Variants in TYW1 observed in about 807,000 individuals in gnomAD.
The protein encoded by TYW1 is S-adenosyl-L-methionine-dependent tRNA 4-demethylwyosine synthase TYW1.
Under a neutral mutation model 96.2 loss-of-function variants are expected in TYW1, and 46 were observed. The observed-to-expected ratio is 0.48, with a 90% CI of 0.38 to 0.61. The LOEUF is 0.61. TYW1 is among the 20% of genes least tolerant of loss of function. The pLI is 0.00. For synonymous variants in TYW1, 274 were observed against 323.0 expected (o/e 0.85, Z 1.63); for missense variants, 684 against 909.6 (o/e 0.75, Z 3.19).
At chr7:67,013,739 CTTTT>C (rs931500833) in intron 4 of TYW1, among the ~76,000 whole-genome samples, 1 of 97,510 alleles carries the variant, frequency 1.0e-5, no homozygotes, top group Non-Finnish European at 1.9e-5. Flanking sequence ...GCATTTTTTC[CTTTT>C]TTTTTTTTTT....
intron 13 of TYW1, among the ~76,000 whole-genome samples, chr7:67,149,288 A>G (rs1377947176): frequency 6.6e-6 from 1 of 152,250 alleles, no homozygotes; most frequent in African/African-American, 2.4e-5. Context: ...GAAAGAAGGA[A>G]GCACTTTCTC....
intron 12 of TYW1, among the ~76,000 whole-genome samples, chr7:67,110,620 C>G (rs1797374061): frequency 6.6e-6 from 1 of 152,130 alleles, no homozygotes; most frequent in Non-Finnish European, 1.5e-5. Context: ...AAGAAACGAA[C>G]AAAACAATAT....
chr7:67,113,853 G>A (rs962198553), intron 12 of TYW1, among the ~76,000 whole-genome samples: 1 of 152,020 alleles, frequency 6.6e-6, no homozygotes, highest in African/African-American at 2.4e-5. Flanking sequence ...TGGCCAGGCT[G>A]GTCTCAAACT....
intron 7 of TYW1, among the ~76,000 whole-genome samples, chr7:67,026,561 T>C (rs574786696): frequency 6.6e-6 from 1 of 152,262 alleles, no homozygotes; most frequent in African/African-American, 2.4e-5. Flanking sequence ...ATAAAAATTC[T>C]AGTAGGTCCT....
At chr7:67,229,617 T>C (rs560370693) in intron 15 of TYW1, among the ~76,000 whole-genome samples, 1 of 151,582 alleles carries the variant, frequency 6.6e-6, no homozygotes, top group East Asian at 1.9e-4. Flanking sequence ...CTTAGGGATA[T>C]TGCACACAAA....
intron 15 of TYW1, among the ~76,000 whole-genome samples, chr7:67,221,422 T>A (rs1023789086): frequency 6.6e-6 from 1 of 152,210 alleles, no homozygotes; most frequent in African/African-American, 2.4e-5. Context: ...TAGAATGGGA[T>A]CATATCTTTT....
In TYW1 at chr7:67,029,021, C is replaced by T. The variant is rs377212529; in HGVS notation, c.984+3999C>T. On this transcript the variant is annotated intron_variant, in intron 7 of 15. Coordinates refer to ENST00000359626, the MANE Select transcript of TYW1 (RefSeq NM_018264.4). ...TATGGACTTTTTTTTTTTTTTGAGA[C>T]GGAGTCTCGCTCTGTTGCCCAGGCT... Among the ~76,000 whole-genome samples, 47 of 147,868 alleles carry T rather than the reference C, an allele frequency of 3.2e-4. 1 individual carries two copies. The highest frequency in any genetic ancestry group is 9.7e-4 in the African/African-American group (39 of 40,164).
intron 12 of TYW1, among the ~76,000 whole-genome samples, chr7:67,111,252 A>G (rs997088970): frequency 2.6e-5 from 4 of 151,968 alleles, no homozygotes; most frequent in East Asian, 1.9e-4. Flanking sequence ...CACCCAGGCT[A>G]GAGTGCAGTG....
chr7:67,079,163 G>A lies in TYW1; in HGVS notation c.1275-4267G>A, dbSNP rs953696654. ...TTTTGAAATAGTTTGAAAAGTATTCGTGTGAGAGGTGTGTGTGTGTGTGTG... is the reference window on the plus strand; with the variant it reads ...TTTTGAAATAGTTTGAAAAGTATTCATGTGAGAGGTGTGTGTGTGTGTGTG... On this transcript the variant is annotated intron_variant, in intron 10 of 15. Coordinates refer to ENST00000359626, the MANE Select transcript of TYW1 (RefSeq NM_018264.4). Among the ~76,000 whole-genome samples, 22 of 74,158 alleles carry A rather than the reference G, an allele frequency of 3.0e-4. No individual in the cohort carries two copies. In the East Asian group the frequency reaches 6.1e-3, roughly 20 times the overall value. 48.7% of individuals were successfully genotyped at this position (74,158 alleles called of 152,430 possible).
At chr7:67,138,435 G>A (rs1035214212) in intron 13 of TYW1, among the ~76,000 whole-genome samples, 1 of 151,904 alleles carries the variant, frequency 6.6e-6, no homozygotes, top group African/African-American at 2.4e-5. Flanking sequence ...TAGAAAATGT[G>A]GTATCTATCC....
chr7:66,998,310 T>C, intron 2 of TYW1, 115 bp downstream of exon 2: 1 of 1,333,120 alleles, frequency 7.5e-7, no homozygotes, highest in South Asian at 1.6e-5. Flanking sequence ...GACATTTTAA[T>C]GAAATGCCTA....
At chr7:67,193,485 C>T (rs1339258638) in intron 14 of TYW1, among the ~76,000 whole-genome samples, 2 of 152,088 alleles carry the variant, frequency 1.3e-5, no homozygotes, top group African/African-American at 2.4e-5. Flanking sequence ...GTTGGCCAGG[C>T]GTGTTGGCTC....
At chr7:67,141,578 G>T (rs967433309) in intron 13 of TYW1, among the ~76,000 whole-genome samples, 1 of 152,152 alleles carries the variant, frequency 6.6e-6, no homozygotes, top group Non-Finnish European at 1.5e-5. Flanking sequence ...AAGCCCATGG[G>T]GGTCTTTCTA....
At chr7:66,999,039 TC>T in intron 3 of TYW1, 85 bp downstream of exon 3, 2 of 1,413,808 alleles carry the variant, frequency 1.4e-6, no homozygotes, top group Non-Finnish European at 9.9e-7. Flanking sequence ...CAGTGAACTG[TC>T]CTTTAGCAGT....
intron 13 of TYW1, among the ~76,000 whole-genome samples, chr7:67,139,978 T>C (rs993951032): frequency 6.7e-5 from 10 of 150,014 alleles, no homozygotes; most frequent in African/African-American, 2.5e-4. Flanking sequence ...AACAAAGAGG[T>C]TTAATGGGAC....
chr7:67,217,056 C>CT (rs72154101), intron 15 of TYW1, among the ~76,000 whole-genome samples: 19 of 143,388 alleles, frequency 1.3e-4, no homozygotes, highest in South Asian at 2.2e-4. Flanking sequence ...ATGCTGAGCA[C>CT]TTTTTTTTCT....
At chr7:67,021,025 C>T (rs1794240121) in intron 6 of TYW1, among the ~76,000 whole-genome samples, 1 of 152,258 alleles carries the variant, frequency 6.6e-6, no homozygotes, top group African/African-American at 2.4e-5. Flanking sequence ...GAGACGCTGT[C>T]TCCAAAAAAA....
chr7:67,050,189 A>C (rs1795311823), intron 8 of TYW1, 123 bp downstream of exon 8: 2 of 1,158,886 alleles, frequency 1.7e-6, no homozygotes, highest in African/African-American at 3.1e-5. Flanking sequence ...ATAACAGTCT[A>C]AAGATTTACC....
At chr7:66,997,459 AAATT>A (rs1365651638) in intron 1 of TYW1, among the ~76,000 whole-genome samples, 6 of 152,216 alleles carry the variant, frequency 3.9e-5, no homozygotes, top group Admixed American at 2.6e-4. Context: ...CAACAAAACA[AAATT>A]AATTTCACAT....
Sources: allele counts gnomAD v4.1 joint callset (sites outside exome capture counted in the v4.1 genomes callset), GRCh38; gene constraint gnomAD v4.1.1; transcripts MANE v1.5; gene names NCBI Gene and HGNC (gene_info 2026-07-23, HGNC 2026-07-21).